MGAM: variants seen among roughly 807,000 people sequenced by gnomAD.
The protein encoded by MGAM is maltase-glucoamylase.
A neutral mutation model predicts 358.8 loss-of-function variants in MGAM; 253 were observed. The observed-to-expected ratio is 0.71, with a 90% CI of 0.64 to 0.78. MGAM has a LOEUF of 0.78. Among genes scored for constraint, MGAM ranks in the 30% least tolerant of loss-of-function variants. The pLI is 0.00. For missense variants in MGAM, 3,080 were observed against 3,432.6 expected (o/e 0.90, Z 2.57); for synonymous variants, 1,105 against 1,227.1 (o/e 0.90, Z 2.08).
chr7:142,099,504 G>A (rs1816256106), intron 66 of MGAM, 109 bp from the exon 67 acceptor site: 3 of 1,543,696 alleles, frequency 1.9e-6, no homozygotes, highest in Non-Finnish European at 2.7e-6. Context: ...TGCAAAGGGT[G>A]ATGAGCAGGC....
rs1811102832 is a variant in MGAM at position 142,052,595 on chromosome 7, G to A, written c.2958+149G>A. 6 of 1,311,476 alleles carry A rather than the reference G, an allele frequency of 4.6e-6. No homozygotes were observed. The Admixed American group carries it at 1.6e-4, about 34-fold the overall frequency. The allele number at this position is 1,311,476 out of a possible 1,614,324, so 81.2% of individuals were successfully genotyped here. ...GATCTAGATGTGACAAGTAGGTGGG[G>A]ACATGTGCGAAACTTCTTAAGATGA... On this transcript the variant is annotated intron_variant, in intron 25 of 70. Coordinates refer to ENST00000475668, the MANE Select transcript of MGAM (RefSeq NM_001365693.1).
In MGAM at chr7:142,088,964, C is replaced by CTATGTATGTATGTATG. The variant is rs57009731; in HGVS notation, c.6810+2267_6810+2282dup. The stretch of plus-strand genomic sequence containing the variant: ...CTACCTATTTATATATCATCTATCT[C>CTATGTATGTATGTATG]TATGTATGTATGTATGTATGTATGT... On this transcript the variant is annotated intron_variant, in intron 57 of 70. Transcript: ENST00000475668. Among the ~76,000 whole-genome samples, 44 of 116,830 alleles carry CTATGTATGTATGTATG rather than the reference C, an allele frequency of 3.8e-4. 1 individual carries two copies. The highest frequency in any genetic ancestry group is 8.9e-4 in the African/African-American group (30 of 33,828). The allele number at this position is 116,830 out of a possible 152,430, so 76.6% of individuals were successfully genotyped here. A position where few individuals can be genotyped will look rare whatever the true frequency, so the allele number is the denominator to read the frequency against.
intron 49 of MGAM, among the ~76,000 whole-genome samples, chr7:142,079,438 G>A (rs1814043283): frequency 6.9e-6 from 1 of 145,674 alleles, no homozygotes; most frequent in African/African-American, 2.4e-5. Context: ...TTGGTATCTT[G>A]CATCTTAATA....
chr7:142,084,923 A>G (rs1345459290), intron 54 of MGAM, among the ~76,000 whole-genome samples: 1 of 146,306 alleles, frequency 6.8e-6, no homozygotes, highest in African/African-American at 2.4e-5. Flanking sequence ...TTTCTTTCAC[A>G]TGACTTCAAA....
chr7:142,020,603 A>AT (rs35169560), intron 4 of MGAM, among the ~76,000 whole-genome samples: 11,891 of 132,564 alleles, frequency 0.09, 609 homozygotes, highest in East Asian at 0.17. Context: ...ATATATATAT[A>AT]TTTTTTTTTT....
At chr7:142,082,733 C>A (rs1814424871) in intron 52 of MGAM, among the ~76,000 whole-genome samples, 162 bp downstream of exon 52, 1 of 146,200 alleles carries the variant, frequency 6.8e-6, no homozygotes, top group African/African-American at 2.4e-5. Flanking sequence ...TCATTTCAGT[C>A]TAATATCATG....
intron 7 of MGAM, among the ~76,000 whole-genome samples, chr7:142,022,720 A>C (rs1554459432): frequency 6.6e-6 from 1 of 152,202 alleles, no homozygotes; most frequent in Non-Finnish European, 1.5e-5. Flanking sequence ...GCTGCCAGAA[A>C]GAAGGTACTC....
rs756565436 is a variant in MGAM at position 142,085,982 on chromosome 7, G to C, written c.6636+21G>C. 77 of 1,556,738 alleles carry C rather than the reference G, an allele frequency of 4.9e-5. 8 individuals carry two copies. The highest frequency in any genetic ancestry group is 6.4e-5 in the Non-Finnish European group (73 of 1,133,508). On this transcript the variant is annotated intron_variant, in intron 55 of 70. Transcript: ENST00000475668. The stretch of plus-strand genomic sequence containing the variant: ...TTCTGGTTAGTCCTGATGTGAATGT[G>C]TGCGGTCTGTTTGGGAGCAGGTATG...
chr7:142,101,459 A>G (rs1816437111), intron 68 of MGAM, among the ~76,000 whole-genome samples: 1 of 151,372 alleles, frequency 6.6e-6, no homozygotes, highest in Admixed American at 6.6e-5. Flanking sequence ...GAAATGTGTG[A>G]CAAGTGCATC....
rs184114086 is a variant in MGAM at position 142,041,819 on chromosome 7, T to G, written c.2498+973T>G. Among the ~76,000 whole-genome samples, 38 of 137,380 alleles carry G rather than the reference T, an allele frequency of 2.8e-4. No homozygotes were observed. The East Asian group carries it at 4.7e-3, about 17-fold the overall frequency. 90.1% of individuals were successfully genotyped at this position (137,380 alleles called of 152,430 possible). A position where few individuals can be genotyped will look rare whatever the true frequency, so the allele number is the denominator to read the frequency against. ...GCAGCAAGAAATCTTTCCTTAATCT[T>G]CCAGCAGAGGAAGCACTGCCACTTT... On this transcript the variant is annotated intron_variant, in intron 21 of 70. Transcript: ENST00000475668.
rs1185177636 is a variant in MGAM, at chr7:142,102,680, G to A, written c.8013+1G>A. 1 of 1,612,998 alleles carries A rather than the reference G, an allele frequency of 6.2e-7. No individual in the cohort carries two copies. Among genetic ancestry groups the A allele is most frequent in the East Asian group, 2.2e-5 (1 of 44,856 alleles). On this transcript the variant is annotated splice_donor_variant, in intron 69 of 70. Transcript: ENST00000475668. LOFTEE classifies it high-confidence loss of function. ...CTTGGCCAGCTTTTCTGCCAGCCAG[G>A]TGAGTGTGATTGATATGAAGTGAGA...
Position 142,056,873 on chromosome 7 carries a change from A to G in MGAM, c.3624A>G (p.Thr1208=), listed in dbSNP as rs987418761. 6 of 1,613,724 alleles carry G rather than the reference A, an allele frequency of 3.7e-6. No homozygotes were observed. Among genetic ancestry groups the G allele is most frequent in the Non-Finnish European group, 5.1e-6 (6 of 1,179,842 alleles). Residue 1208 remains threonine, a synonymous_variant, in exon 30 of 71, where the codon ACA becomes ACG. Coordinates refer to ENST00000475668, the MANE Select transcript of MGAM (RefSeq NM_001365693.1). The part of the protein sequence containing the change: ...QPLPALTYRT[T]GGVLDFYVFL... ...TGCCTGCCTTGACATACCGCACCAC[A>G]GGGGGAGTTCTGGACTTTTATGTGT...
chr7:142,078,976 A>G lies in MGAM; in HGVS notation c.5815A>G (p.Thr1939Ala), dbSNP rs1456921616. Reference sequence around the variant, plus strand: ...CGTGAACCCCCTTCGCCTGGATGTCACTTACCATAAGAATGAAATGCTACA... The same window carrying G: ...CGTGAACCCCCTTCGCCTGGATGTCGCTTACCATAAGAATGAAATGCTACA... ...TPVNPLRLDV[T>A]YHKNEMLQFK... The change falls in exon 49 of 71, where the codon ACT becomes GCT. Residue 1939 changes from threonine (T) to alanine (A), a missense_variant. Coordinates refer to ENST00000475668, the MANE Select transcript of MGAM (RefSeq NM_001365693.1). 4 of 1,555,418 alleles carry G rather than the reference A, an allele frequency of 2.6e-6. 1 individual carries two copies. The highest frequency in any genetic ancestry group is 4.6e-5 in the East Asian group (2 of 43,922).
chr7:142,032,875 C>T lies in MGAM; in HGVS notation c.1635C>T (p.Ser545=), dbSNP rs1807636099. Residue 545 remains serine (S), a synonymous_variant, in exon 14 of 71, where the codon TCC becomes TCT. Transcript: ENST00000475668. The part of the protein sequence containing the change: ...NFVDGSVSGC[S]TNNLNNPPFT... ...TTGATGGTTCGGTCTCAGGATGTTC[C>T]ACAAACAACCTAAATAATCCCCCAT... is the stretch of plus-strand genomic sequence containing the variant. The T allele has an allele frequency of 1.2e-6, 2 of 1,610,438 alleles. No individual in the cohort carries two copies. Among genetic ancestry groups the T allele is most frequent in the Admixed American group, 1.7e-5 (1 of 59,744 alleles).
chr7:142,061,409 G>T (rs55874755), intron 34 of MGAM, among the ~76,000 whole-genome samples: 12,055 of 152,072 alleles, frequency 0.079, 1,446 homozygotes, highest in African/African-American at 0.26. Flanking sequence ...CTAACAAAAG[G>T]CATCCCTGGC....
At chr7:142,034,485 A>G in intron 15 of MGAM, 106 bp downstream of exon 15, 1 of 993,842 alleles carries the variant, frequency 1.0e-6, no homozygotes. Flanking sequence ...TTCTTAAGAC[A>G]AAACAAAGCA....
At chr7:142,023,122 C>G (rs1806616123) in intron 7 of MGAM, among the ~76,000 whole-genome samples, 1 of 152,088 alleles carries the variant, frequency 6.6e-6, no homozygotes, top group African/African-American at 2.4e-5. Context: ...TACAGTGGCA[C>G]AACCATGACT....
intron 24 of MGAM, 73 bp from the exon 25 acceptor site, chr7:142,052,221 A>C (rs920648742): frequency 4.9e-6 from 6 of 1,223,432 alleles, no homozygotes; most frequent in Non-Finnish European, 6.5e-6. Context: ...TTTTTTATCG[A>C]AAAAAAAACC....
Position 142,084,589 on chromosome 7 carries a change from A to G in MGAM, c.6452A>G (p.Asn2151Ser). The G allele has an allele frequency of 6.4e-7, 1 of 1,556,364 alleles. No individual in the cohort carries two copies. The highest frequency in any genetic ancestry group is 8.8e-7 in the Non-Finnish European group (1 of 1,132,704). The change falls in exon 54 of 71, where the codon AAC becomes AGC. Residue 2151 changes from asparagine to serine, a missense_variant. Coordinates refer to ENST00000475668, the MANE Select transcript of MGAM (RefSeq NM_001365693.1). The part of the protein sequence containing the change: ...GFQLCRYGYQ[N>S]DSEISSLYDE... ...CAGCTGTGTCGCTATGGCTACCAGAACGACTCTGAGATCTCCAGCTTGTAT... is the reference window on the plus strand; with the variant it reads ...CAGCTGTGTCGCTATGGCTACCAGAGCGACTCTGAGATCTCCAGCTTGTAT...
Sources: gnomAD v4.1 joint callset for allele counts (sites outside exome capture counted in the v4.1 genomes callset) on GRCh38, gnomAD v4.1.1 for gene constraint, MANE v1.5 for transcripts, NCBI Gene and HGNC (gene_info 2026-07-23, HGNC 2026-07-21) for gene names.